Variants in MAMDC2 observed in about 807,000 individuals in gnomAD.
MAMDC2 encodes MAM domain-containing protein 2.
Under a neutral mutation model 89.8 loss-of-function variants are expected in MAMDC2, and 57 were observed. That is an observed-to-expected ratio of 0.63 (90% confidence interval 0.51 to 0.79). MAMDC2 has a LOEUF of 0.79. MAMDC2 is among the 30% of genes least tolerant of loss of function. MAMDC2 has a pLI of 0.00. For missense variants in MAMDC2, 800 were observed against 820.6 expected, an observed-to-expected ratio of 0.97 and a Z score of 0.31; for synonymous variants, 313 against 293.4, an observed-to-expected ratio of 1.07 and a Z score of -0.68.
intron 2 of MAMDC2, among the ~76,000 whole-genome samples, chr9:70,059,570 T>C (rs747534283): frequency 1.1e-4 from 17 of 152,188 alleles, no homozygotes; most frequent in Non-Finnish European, 1.8e-4. Context: ...TCCTCATTCA[T>C]TCAGGTAATC....
intron 1 of MAMDC2, 129 bp from the exon 2 acceptor site, chr9:70,044,455 T>G: frequency 1.2e-6 from 1 of 843,132 alleles, no homozygotes; most frequent in South Asian, 1.6e-5. Flanking sequence ...GGACAGGTAC[T>G]GCATCCCTCT....
At chr9:70,076,405 C>T (rs1387894084) in intron 2 of MAMDC2, among the ~76,000 whole-genome samples, 2 of 149,968 alleles carry the variant, frequency 1.3e-5, no homozygotes, top group Non-Finnish European at 3.0e-5. Context: ...TGGGCAATAG[C>T]ATGAGACTCT....
intron 2 of MAMDC2, among the ~76,000 whole-genome samples, chr9:70,069,574 A>G (rs1480217473): frequency 6.6e-6 from 1 of 152,248 alleles, no homozygotes; most frequent in Non-Finnish European, 1.5e-5. Flanking sequence ...AAGTTTTAAC[A>G]TTGAAAGCTA....
In MAMDC2 at chr9:70,126,315, A is replaced by C. The variant is rs1233243838; in HGVS notation, c.800A>C (p.Asp267Ala). Residue 267 changes from aspartate to alanine, a missense_variant, in exon 6 of 14, where the codon GAT (aspartate) becomes GCT (alanine). Physicochemically the swap from Asp to Ala is moderately radical, Grantham distance 126 (BLOSUM62 -2). Coordinates refer to ENST00000377182, the MANE Select transcript of MAMDC2 (RefSeq NM_153267.5). ...NDNVFSLYTR[D>A]VAGLYEEIWK... Reference sequence around the variant, plus strand: ...AATGTCTTTTCCCTTTACACTCGGGATGTGGCTGGCCTTTACGAGGAAATC... The same window carrying C: ...AATGTCTTTTCCCTTTACACTCGGGCTGTGGCTGGCCTTTACGAGGAAATC... The C allele has an allele frequency of 3.1e-6, 5 of 1,614,056 alleles. No individual in the cohort carries two copies. Among genetic ancestry groups the C allele is most frequent in the Non-Finnish European group, 4.2e-6 (5 of 1,180,010 alleles).
chr9:70,174,994 G>C (rs1465569389), intron 11 of MAMDC2, among the ~76,000 whole-genome samples: 1 of 152,120 alleles, frequency 6.6e-6, no homozygotes, highest in Non-Finnish European at 1.5e-5. Context: ...CCAAAGTGCT[G>C]GGATTATAGG....
chr9:70,045,857 G>A (rs890970552), intron 2 of MAMDC2, among the ~76,000 whole-genome samples: 3 of 152,214 alleles, frequency 2.0e-5, no homozygotes, highest in African/African-American at 7.2e-5. Flanking sequence ...GAAACAGGAA[G>A]GAACTGGTTC....
rs115435851 is a variant in MAMDC2, at chr9:70,165,625, T to C, written c.1405-3077T>C. Among the ~76,000 whole-genome samples, 641 of 152,306 alleles carry C rather than the reference T, an allele frequency of 4.2e-3. 8 individuals carry two copies. The highest frequency in any genetic ancestry group is 0.015 in the African/African-American group (610 of 41,564). The stretch of plus-strand genomic sequence containing the variant: ...GCTATTGTCCAAAACATGCTTAACA[T>C]TTCATTCAACCCACTGTGGCAATTC... On this transcript the variant is annotated intron_variant, in intron 9 of 13. Coordinates refer to ENST00000377182, the MANE Select transcript of MAMDC2 (RefSeq NM_153267.5).
At chr9:70,100,244 A>G (rs1472110573) in intron 2 of MAMDC2, among the ~76,000 whole-genome samples, 2 of 152,196 alleles carry the variant, frequency 1.3e-5, no homozygotes, top group Non-Finnish European at 2.9e-5. Flanking sequence ...TCCTCACTTT[A>G]CCAAAGAAGA....
At chr9:70,170,406 C>T in intron 10 of MAMDC2, 73 bp from the exon 11 acceptor site, 1 of 1,497,680 alleles carries the variant, frequency 6.7e-7, no homozygotes, top group East Asian at 2.3e-5. Flanking sequence ...TTCATACATG[C>T]AGAGTGGGCT....
intron 5 of MAMDC2, among the ~76,000 whole-genome samples, chr9:70,125,463 C>A (rs960480108): frequency 1.3e-5 from 2 of 152,252 alleles, no homozygotes; most frequent in Non-Finnish European, 2.9e-5. Context: ...TGTCTCCATT[C>A]TGCCACATGG....
Position 70,131,507 on chromosome 9 carries a change from T to C in MAMDC2, c.901-12T>C. ...ATGTGAACATGTGACAGCATGCCATTTTCCTCTGCAGGTTATTTTTGAAGT... is the reference window on the plus strand; with the variant it reads ...ATGTGAACATGTGACAGCATGCCATCTTCCTCTGCAGGTTATTTTTGAAGT... On this transcript the variant is annotated splice_polypyrimidine_tract_variant and intron_variant, in intron 6 of 13. Coordinates refer to ENST00000377182, the MANE Select transcript of MAMDC2 (RefSeq NM_153267.5). 2 of 1,581,430 alleles carry C rather than the reference T, an allele frequency of 1.3e-6. No individual in the cohort carries two copies. The highest frequency in any genetic ancestry group is 1.9e-5 in the Admixed American group (1 of 51,624).
At chr9:70,101,231 C>T (rs1041869414) in intron 2 of MAMDC2, among the ~76,000 whole-genome samples, 3 of 152,062 alleles carry the variant, frequency 2.0e-5, no homozygotes, top group African/African-American at 7.2e-5. Flanking sequence ...ATATTTTATA[C>T]AGTACCGTAC....
At chr9:70,217,061 C>T in intron 11 of MAMDC2, 1 of 456,954 alleles carries the variant, frequency 2.2e-6, no homozygotes, top group East Asian at 4.2e-5. Flanking sequence ...CCGATTAATC[C>T]TGTTTCTGCC....
At chr9:70,112,250 A>G (rs952442877) in intron 4 of MAMDC2, among the ~76,000 whole-genome samples, 17 of 152,166 alleles carry the variant, frequency 1.1e-4, no homozygotes, top group African/African-American at 4.1e-4. Context: ...GCTCCCTTTT[A>G]AGGAACAATT....
At chr9:70,180,901 T>C (rs2032632475) in intron 11 of MAMDC2, among the ~76,000 whole-genome samples, 1 of 152,234 alleles carries the variant, frequency 6.6e-6, no homozygotes, top group South Asian at 2.1e-4. Context: ...CAATTGCTTT[T>C]GATATTTTAG....
At chr9:70,080,994 TG>T (rs1343643987) in intron 2 of MAMDC2, among the ~76,000 whole-genome samples, 2 of 152,214 alleles carry the variant, frequency 1.3e-5, no homozygotes, top group East Asian at 3.8e-4. Flanking sequence ...GATGTGTTTT[TG>T]TTTTCTGCCT....
At chr9:70,044,360 C>A in intron 1 of MAMDC2, 129 bp downstream of exon 1, 1 of 1,082,282 alleles carries the variant, frequency 9.2e-7, no homozygotes, top group Non-Finnish European at 1.3e-6. Flanking sequence ...CCTCCGCAGC[C>A]GCTAACTCCC....
intron 11 of MAMDC2, among the ~76,000 whole-genome samples, chr9:70,178,211 G>A (rs533888391): frequency 1.7e-4 from 26 of 152,274 alleles, no homozygotes; most frequent in Middle Eastern, 3.4e-3. Flanking sequence ...AATTTATATA[G>A]AATGGAAACT....
rs542688872 is a variant in MAMDC2 at position 70,141,186 on chromosome 9, T to C, written c.1138+898T>C. Among the ~76,000 whole-genome samples the C allele has an allele frequency of 8.5e-5, 13 of 152,312 alleles. 1 individual carries two copies. In the East Asian group the frequency reaches 1.3e-3, roughly 16 times the overall value. ...AATTTTGTATTCTTTTCTTAGAGGTTGCCTAACCTGTAGAAATAAAGGCCC... is the reference window on the plus strand; with the variant it reads ...AATTTTGTATTCTTTTCTTAGAGGTCGCCTAACCTGTAGAAATAAAGGCCC... On this transcript the variant is annotated intron_variant, in intron 8 of 13. Coordinates refer to ENST00000377182, the MANE Select transcript of MAMDC2 (RefSeq NM_153267.5).
Sources: allele counts gnomAD v4.1 joint callset (sites outside exome capture counted in the v4.1 genomes callset), GRCh38; gene constraint gnomAD v4.1.1; transcripts MANE v1.5; gene names NCBI Gene and HGNC (gene_info 2026-07-23, HGNC 2026-07-21).